FLNC: variants seen among roughly 807,000 people sequenced by gnomAD.
The protein encoded by FLNC is filamin-C.
A neutral mutation model predicts 254.3 loss-of-function variants in FLNC; 91 were observed. That is an observed-to-expected ratio of 0.36 (90% CI 0.30 to 0.43). The LOEUF (loss-of-function observed/expected upper bound fraction) is 0.43. FLNC is among the 20% of genes least tolerant of loss of function. The probability of loss-of-function intolerance (pLI) is 1.00; values close to 1 mark genes in which losing one functional copy is unlikely to be tolerated. For synonymous variants in FLNC, 1,430 were observed against 1,577.2 expected (o/e 0.91, Z 2.21); for missense variants, 2,853 against 3,802.6 (o/e 0.75, Z 6.57).
At position 128,837,759 on chromosome 7, in the gene FLNC, T is replaced by G. The variant is rs953435954; in HGVS notation, c.969+4T>G. ...CCCTGAAGGCCACACCGAGGAGGTA[T>G]GCAGAGGCCGCTGGGGACAGAGGGA... On this transcript the variant is annotated splice_donor_region_variant and intron_variant, in intron 5 of 47. Transcript: ENST00000325888. 3 of 1,568,270 alleles carry G rather than the reference T, an allele frequency of 1.9e-6. No homozygotes were observed. The Admixed American group carries it at 5.7e-5, about 30-fold the overall frequency.
chr7:128,835,710 C>A lies in FLNC; in HGVS notation c.601+136C>A, dbSNP rs1585151470. On this transcript the variant is annotated intron_variant, in intron 2 of 47. Coordinates refer to ENST00000325888, the MANE Select transcript of FLNC (RefSeq NM_001458.5). The surrounding 1 kb of genome is among the most constrained non-coding windows in gnomAD (Gnocchi z 5.3). ...GGCCAGGATCCCCTGCAGGGTTTGT[C>A]CTCCTCCAGCTGTGGCTCTCCGCTG... 2 of 969,208 alleles carry A rather than the reference C, an allele frequency of 2.1e-6. No individual in the cohort carries two copies. The highest frequency in any genetic ancestry group is 3.1e-6 in the Non-Finnish European group (2 of 641,648). The allele number at this position is 969,208 out of a possible 1,614,324, so 60.0% of individuals were successfully genotyped here.
At position 128,838,296 on chromosome 7, in the gene FLNC, T is replaced by A; in HGVS notation, c.1077T>A (p.Ile359=). Residue 359 remains isoleucine, a synonymous_variant, in exon 7 of 48, where the codon ATT becomes ATA. Transcript: ENST00000325888. ...KVTVLFAGQN[I]ERSPFEVNVG... ...CCGTGCTCTTTGCTGGCCAGAACAT[T>A]GAACGCAGTCCCTTTGAGGTGAACG... The A allele has an allele frequency of 1.2e-6, 2 of 1,614,060 alleles. No individual in the cohort carries two copies. The highest frequency in any genetic ancestry group is 1.7e-5 in the Admixed American group (1 of 60,034).
intron 1 of FLNC, among the ~76,000 whole-genome samples, chr7:128,834,904 C>G (rs1808037797): frequency 6.6e-6 from 1 of 152,110 alleles, no homozygotes; most frequent in Admixed American, 6.5e-5. Flanking sequence ...CGTGATATAT[C>G]CATAGTGTCA....
chr7:128,841,247 T>C lies in FLNC; in HGVS notation c.1891T>C (p.Trp631Arg), dbSNP rs752849403. Residue 631 changes from tryptophan to arginine, a missense_variant, in exon 12 of 48, where the codon TGG (tryptophan) becomes CGG (arginine). This residue lies in a region of FLNC where 1,573 missense variants were observed against 1,883.5 expected (regional missense o/e 0.84). Coordinates refer to ENST00000325888, the MANE Select transcript of FLNC (RefSeq NM_001458.5). The surrounding 1 kb of genome is among the most constrained non-coding windows in gnomAD (Gnocchi z 4.3). ...GGATGGCTCCTGCGATGTGCGGTAC[T>C]GGCCCACGGAGCCTGGGGAGTACGC... ...KGDGSCDVRY[W>R]PTEPGEYAVH... 6.2e-7 allele frequency: 1 copy of C among 1,614,110 alleles called. No homozygotes were observed. The highest frequency in any genetic ancestry group is 1.1e-5 in the South Asian group (1 of 91,090).
Position 128,853,733 on chromosome 7 carries a change from A to G in FLNC, c.6380A>G (p.Lys2127Arg). 3 of 1,613,884 alleles carry G rather than the reference A, an allele frequency of 1.9e-6. No individual in the cohort carries two copies. Among genetic ancestry groups the G allele is most frequent in the Non-Finnish European group, 2.5e-6 (3 of 1,180,040 alleles). Reference protein sequence around the residue: ...KHVPGSPFTVKVTGEGRMKES... With the variant: ...KHVPGSPFTVRVTGEGRMKES... ...ACTTCAGGAAGCCCCTTCACTGTGA[A>G]GGTGACCGGCGAGGGCCGCATGAAG... The change falls in exon 39 of 48, where the codon AAG becomes AGG. Residue 2127 changes from lysine (K) to arginine (R), a missense_variant. By Grantham distance (26) the Lys-to-Arg change is conservative (BLOSUM62 2). This residue lies in a region of FLNC where 551 missense variants were observed against 835.0 expected (regional missense o/e 0.66). Transcript: ENST00000325888.
In FLNC at chr7:128,858,299, C is replaced by T; in HGVS notation, c.7991-37C>T. On this transcript the variant is annotated intron_variant, in intron 47 of 47. Transcript: ENST00000325888. This position sits in a 1 kb window ranked among gnomAD's most constrained non-coding sequence, Gnocchi z 6.7. ...AGGGTGTGGGTCACAGTAGGGGACT[C>T]CCTGGTGTGAGCCTGTCCCTCTGCC... 3 of 1,323,230 alleles carry T rather than the reference C, an allele frequency of 2.3e-6. No individual in the cohort carries two copies. The highest frequency in any genetic ancestry group is 1.2e-5 in the South Asian group (1 of 83,158). 82.0% of individuals were successfully genotyped at this position (1,323,230 alleles called of 1,614,324 possible).
Position 128,851,582 on chromosome 7 carries a change from C to T in FLNC, c.5796C>T (p.Phe1932=), listed in dbSNP as rs572337697. ...APGDYSIIVR[F]DDKHIPGSPF... Reference sequence around the variant, plus strand: ...GAGACTACAGCATCATCGTGCGCTTCGATGACAAGCACATCCCGGGGAGCC... The same window carrying T: ...GAGACTACAGCATCATCGTGCGCTTTGATGACAAGCACATCCCGGGGAGCC... The change falls in exon 35 of 48, where the codon TTC becomes TTT. Residue 1932 remains phenylalanine, a synonymous_variant. Coordinates refer to ENST00000325888, the MANE Select transcript of FLNC (RefSeq NM_001458.5). 73 of 1,613,898 alleles carry T rather than the reference C, an allele frequency of 4.5e-5. No individual in the cohort carries two copies. The highest frequency in any genetic ancestry group is 5.3e-5 in the Non-Finnish European group (63 of 1,180,044).
At position 128,836,976 on chromosome 7, in the gene FLNC, C is replaced by T. The variant is rs1453277731; in HGVS notation, c.602-184C>T. 6.6e-6 allele frequency among the ~76,000 whole-genome samples: 1 copy of T among 152,220 alleles called. No homozygotes were observed. Among genetic ancestry groups the T allele is most frequent in the African/African-American group, 2.4e-5 (1 of 41,456 alleles). On this transcript the variant is annotated intron_variant, in intron 2 of 47. Transcript: ENST00000325888. The surrounding 1 kb of genome is among the most constrained non-coding windows in gnomAD (Gnocchi z 6.0). ...CATTGTTGGTGGTGGAGAGGGCTGT[C>T]CTGCTCCTACGTGGTGAGGGGCCTC...
chr7:128,850,057 G>A lies in FLNC; in HGVS notation c.5281G>A (p.Ala1761Thr), dbSNP rs376023896. Reference sequence around the variant, plus strand: ...GCCCTACGCTCCTCCCCGGCCCGGCGCCCGCCCCACACACTGGGTACTGCG... The same window carrying A: ...GCCCTACGCTCCTCCCCGGCCCGGCACCCGCCCCACACACTGGGTACTGCG... ...RQPYAPPRPG[A>T]RPTHWATEEP... is the part of the protein sequence containing the mutation. The change falls in exon 31 of 48, where the codon GCC (alanine) becomes ACC (threonine). Residue 1761 changes from alanine to threonine, a missense_variant. Ala to Thr is a moderately conservative substitution (Grantham distance 58). Coordinates refer to ENST00000325888, the MANE Select transcript of FLNC (RefSeq NM_001458.5). 4.8e-5 allele frequency: 74 copies of A among 1,541,674 alleles called. 1 individual carries two copies. The highest frequency in any genetic ancestry group is 4.4e-4 in the South Asian group (37 of 84,370).
In FLNC at chr7:128,842,322, A is replaced by G; in HGVS notation, c.2213A>G (p.His738Arg). The G allele has an allele frequency of 1.2e-6, 2 of 1,613,792 alleles. No homozygotes were observed. The highest frequency in any genetic ancestry group is 1.7e-6 in the Non-Finnish European group (2 of 1,179,982). ...TACGTGCCCACCAAGCCCATTAAGC[A>G]CACCATCATCATCTCCTGGGGAGGC... ...CSYVPTKPIK[H>R]TIIISWGGVN... is the part of the protein sequence containing the mutation. The change falls in exon 14 of 48, where the codon CAC becomes CGC. Residue 738 changes from histidine to arginine, a missense_variant. Physicochemically the swap from His to Arg is conservative, Grantham distance 29 (BLOSUM62 0). Around this residue, in one of 10 missense-constraint regions of FLNC, gnomAD observed 1,573 missense variants for 1,883.5 expected, o/e 0.84. Coordinates refer to ENST00000325888, the MANE Select transcript of FLNC (RefSeq NM_001458.5). The surrounding 1 kb of genome is among the most constrained non-coding windows in gnomAD (Gnocchi z 5.4).
In FLNC at chr7:128,850,388, C is replaced by G. The variant is rs778860499; in HGVS notation, c.5303C>G (p.Thr1768Arg). The G allele has an allele frequency of 5.6e-6, 9 of 1,613,688 alleles. No individual in the cohort carries two copies. Among genetic ancestry groups the G allele is most frequent in the African/African-American group, 1.3e-5 (1 of 74,950 alleles). Residue 1768 changes from threonine (T) to arginine (R), a missense_variant, in exon 32 of 48, where the codon ACA becomes AGA. Around this residue, in one of 10 missense-constraint regions of FLNC, gnomAD observed 258 missense variants for 312.3 expected, o/e 0.83. Coordinates refer to ENST00000325888, the MANE Select transcript of FLNC (RefSeq NM_001458.5). ...RPGARPTHWA[T>R]EEPVVPVEPM... ...GTTCCCTCTCACCTGCTGCAGGCCA[C>G]AGAGGAGCCAGTGGTGCCTGTGGAG...
chr7:128,831,359 G>A (rs1807884832), intron 1 of FLNC, among the ~76,000 whole-genome samples: 1 of 152,240 alleles, frequency 6.6e-6, no homozygotes, highest in African/African-American at 2.4e-5. Context: ...GCCTGTCACT[G>A]ATTCCTGGGG....
Position 128,835,339 on chromosome 7 carries a change from C to G in FLNC, c.366C>G (p.Ile122Met). ...TCCCCTCTGCAGACAGCAAGGCCAT[C>G]GTGGATGGGAACCTGAAGCTGATCC... ...IKLVSIDSKA[I>M]VDGNLKLILG... Residue 122 changes from isoleucine (I) to methionine (M), a missense_variant, in exon 2 of 48, where the codon ATC (isoleucine) becomes ATG (methionine). Transcript: ENST00000325888. This position sits in a 1 kb window ranked among gnomAD's most constrained non-coding sequence, Gnocchi z 5.3. 6.2e-7 allele frequency: 1 copy of G among 1,613,756 alleles called. No homozygotes were observed. Among genetic ancestry groups the G allele is most frequent in the Non-Finnish European group, 8.5e-7 (1 of 1,180,020 alleles).
chr7:128,841,287 G>A lies in FLNC; in HGVS notation c.1931G>A (p.Cys644Tyr). Residue 644 changes from cysteine to tyrosine, a missense_variant, in exon 12 of 48, where the codon TGT becomes TAT. By Grantham distance (194) the Cys-to-Tyr change is radical. This residue lies in a region of FLNC where 1,573 missense variants were observed against 1,883.5 expected (regional missense o/e 0.84). Transcript: ENST00000325888. The surrounding 1 kb of genome is among the most constrained non-coding windows in gnomAD (Gnocchi z 4.3). ...EPGEYAVHVI[C>Y]DDEDIRDSPF... The stretch of plus-strand genomic sequence containing the variant: ...GGGGAGTACGCTGTGCACGTCATCT[G>A]TGACGATGAGGACATCCGAGACTCA... 1 of 1,614,100 alleles carries A rather than the reference G, an allele frequency of 6.2e-7. No homozygotes were observed. The highest frequency in any genetic ancestry group is 8.5e-7 in the Non-Finnish European group (1 of 1,180,000).
In FLNC at chr7:128,844,254, T is replaced by C. The variant is rs937971281; in HGVS notation, c.3180T>C (p.Pro1060=). Residue 1060 remains proline, a synonymous_variant, in exon 20 of 48, where the codon CCT becomes CCC. Transcript: ENST00000325888. ...SPFAVEGVLP[P]DPSKVCAYGP... Reference sequence around the variant, plus strand: ...TTGCTGTGGAGGGTGTCCTGCCCCCTGATCCCTCCAAGGTGAGGAGATAGG... The same window carrying C: ...TTGCTGTGGAGGGTGTCCTGCCCCCCGATCCCTCCAAGGTGAGGAGATAGG... 3 of 1,607,976 alleles carry C rather than the reference T, an allele frequency of 1.9e-6. No homozygotes were observed. Among genetic ancestry groups the C allele is most frequent in the Non-Finnish European group, 2.5e-6 (3 of 1,176,670 alleles).
chr7:128,834,616 T>C (rs2128933444), intron 1 of FLNC, among the ~76,000 whole-genome samples: 1 of 152,284 alleles, frequency 6.6e-6, no homozygotes, highest in East Asian at 1.9e-4. Flanking sequence ...TATTGAGACC[T>C]TACTATGTTT....
At position 128,850,082 on chromosome 7, in the gene FLNC, G is replaced by A. The variant is rs867964395; in HGVS notation, c.5298+8G>A. On this transcript the variant is annotated splice_region_variant and intron_variant, in intron 31 of 47. Coordinates refer to ENST00000325888, the MANE Select transcript of FLNC (RefSeq NM_001458.5). ...GCCCGCCCCACACACTGGGTACTGC[G>A]CCTCCCACCAGGCGATGTCCTCCTC... 2.6e-6 allele frequency: 4 copies of A among 1,528,920 alleles called. No individual in the cohort carries two copies. Among genetic ancestry groups the A allele is most frequent in the African/African-American group, 2.7e-5 (2 of 72,956 alleles). 94.7% of individuals were successfully genotyped at this position (1,528,920 alleles called of 1,614,324 possible).
chr7:128,847,619 C>T, intron 24 of FLNC, 78 bp from the exon 25 acceptor site: 1 of 1,567,628 alleles, frequency 6.4e-7, no homozygotes, highest in South Asian at 1.1e-5. Flanking sequence ...CAGGGAAGGC[C>T]TCCTCCTCCG....
Position 128,830,491 on chromosome 7 carries a change from A to AGCCTCGCCGG in FLNC, c.-144_-143insTCGCCGGGCC. On this transcript the variant is annotated 5_prime_UTR_variant, in exon 1 of 48. Coordinates refer to ENST00000325888, the MANE Select transcript of FLNC (RefSeq NM_001458.5). Reference sequence around the variant, plus strand: ...CTAGGAGGCCCGCCGAGCCTCGCCGAGCCCCGCCAGCCCCGGCGCGAGAGA... The same window carrying AGCCTCGCCGG: ...CTAGGAGGCCCGCCGAGCCTCGCCGAGCCTCGCCGGGCCCCGCCAGCCCCGGCGCGAGAGA... 1.5e-6 allele frequency: 1 copy of AGCCTCGCCGG among 688,626 alleles called. No homozygotes were observed. Among genetic ancestry groups the AGCCTCGCCGG allele is most frequent in the Non-Finnish European group, 2.4e-6 (1 of 411,472 alleles). 42.7% of individuals were successfully genotyped at this position (688,626 alleles called of 1,614,324 possible). A position where few individuals can be genotyped will look rare whatever the true frequency, so the allele number is the denominator to read the frequency against.
Sources: allele counts gnomAD v4.1 joint callset (sites outside exome capture counted in the v4.1 genomes callset), GRCh38; gene constraint gnomAD v4.1.1; regional missense constraint gnomAD v4.1.1; non-coding constraint Gnocchi (gnomAD v3.1); transcripts MANE v1.5; gene names NCBI Gene and HGNC (gene_info 2026-07-23, HGNC 2026-07-21).